The following POM121 variants were observed in gnomAD, a reference collection of about 807,000 sequenced individuals.
The protein encoded by POM121 is POM121 transmembrane nucleoporin, also known as nuclear envelope pore membrane protein POM 121.
In POM121, 32 loss-of-function variants were observed where a neutral mutation model predicts 81.3. The ratio of observed to expected loss-of-function variants is 0.39; its 90% confidence interval spans 0.30 to 0.53. The LOEUF is 0.53. Ranked by LOEUF, POM121 falls within the 20% of genes least tolerant of loss-of-function variation. The probability of loss-of-function intolerance (pLI) is 0.66; values close to 1 mark genes in which losing one functional copy is unlikely to be tolerated. For synonymous variants in POM121, 514 were observed against 694.2 expected, an observed-to-expected ratio of 0.74 and a Z score of 4.08; for missense variants, 1,138 against 1,614.6, an observed-to-expected ratio of 0.70 and a Z score of 5.06.
chr7:72,905,275 C>G (rs1444934257), intron 3 of POM121, among the ~76,000 whole-genome samples: 2 of 152,036 alleles, frequency 1.3e-5, no homozygotes, highest in African/African-American at 4.8e-5. Context: ...ACTCTTTGAC[C>G]CATGAATTAT....
chr7:72,880,581 G>A (rs1790039203), intron 1 of POM121, among the ~76,000 whole-genome samples: 2 of 152,070 alleles, frequency 1.3e-5, no homozygotes, highest in Non-Finnish European at 2.9e-5. Flanking sequence ...ATTTTAAGCA[G>A]TTTAAAGAGA....
At chr7:72,886,619 TTGA>T (rs1160841271) in intron 1 of POM121, among the ~76,000 whole-genome samples, 1 of 152,230 alleles carries the variant, frequency 6.6e-6, no homozygotes, top group Non-Finnish European at 1.5e-5. Context: ...TTTCTTCTAG[TTGA>T]TGATGAATTA....
chr7:72,947,935 G>C lies in POM121; in HGVS notation c.*1701G>C, dbSNP rs1554503682. 2.9e-6 allele frequency: 3 copies of C among 1,036,238 alleles called. No individual in the cohort carries two copies. Among genetic ancestry groups the C allele is most frequent in the Non-Finnish European group, 3.5e-6 (3 of 859,800 alleles). The allele number at this position is 1,036,238 out of a possible 1,614,324, so 64.2% of individuals were successfully genotyped here. A position where few individuals can be genotyped will look rare whatever the true frequency, so the allele number is the denominator to read the frequency against. ...CAGCTCTGATCCTCGTTAATACCTG[G>C]CTGCGTGTGCAGCTGAGGAGGGAGT... is the stretch of plus-strand genomic sequence containing the variant. On this transcript the variant is annotated 3_prime_UTR_variant, in exon 13 of 13. Transcript: ENST00000434423.
chr7:72,939,244 T>C (rs1796824705), intron 6 of POM121, 92 bp from the exon 7 acceptor site: 1 of 1,510,650 alleles, frequency 6.6e-7, no homozygotes, highest in Non-Finnish European at 9.0e-7. Flanking sequence ...TTTTAGACAT[T>C]GGCCACTTGG....
chr7:72,919,400 TC>T (rs1467532475), intron 4 of POM121, among the ~76,000 whole-genome samples: 1 of 152,088 alleles, frequency 6.6e-6, no homozygotes, highest in Non-Finnish European at 1.5e-5. Context: ...TTTGTGTAGA[TC>T]CAGATTTCCA....
intron 4 of POM121, among the ~76,000 whole-genome samples, chr7:72,929,378 G>A (rs1400009744): frequency 6.6e-6 from 1 of 152,212 alleles, no homozygotes; most frequent in Non-Finnish European, 1.5e-5. Flanking sequence ...CACTCTAGGA[G>A]AGAGTTGTCT....
chr7:72,922,077 T>G (rs539153952), upstream of POM121, among the ~76,000 whole-genome samples: 2 of 152,356 alleles, frequency 1.3e-5, no homozygotes, highest in South Asian at 4.1e-4. Flanking sequence ...TAAATTAATT[T>G]TTCTAGTGTG....
At chr7:72,948,938 C>T (rs781992727), downstream of POM121, 13 of 1,612,486 alleles carry the variant, frequency 8.1e-6, no homozygotes, top group Non-Finnish European at 1.1e-5. Context: ...ACCATGTCTT[C>T]ATTCTCCTCC....
In POM121 at chr7:72,930,077, C is replaced by T; in HGVS notation, c.1241C>T (p.Thr414Ile). The change falls in exon 5 of 13, where the codon ACC (threonine) becomes ATC (isoleucine). Residue 414 changes from threonine (T) to isoleucine (I), a missense_variant. Thr to Ile is a moderately conservative substitution (Grantham distance 89). This residue lies in a region of POM121 where 646 missense variants were observed against 633.5 expected (regional missense o/e 1.02). Transcript: ENST00000434423. ...GIPSSSRNAI[T>I]SSYSSTRGIS... ...CCTAGCTCCAGCCGCAATGCCATTA[C>T]CAGTTCCTACAGCTCCACTCGAGGC... The T allele has an allele frequency of 6.2e-7, 1 of 1,613,830 alleles. No homozygotes were observed.
chr7:72,926,715 A>G (rs1389833315), intron 2 of POM121, 87 bp from the exon 3 acceptor site: 4 of 1,541,670 alleles, frequency 2.6e-6, no homozygotes, highest in Middle Eastern at 1.7e-4. Context: ...CCTGTTGGTT[A>G]GCTTCTGATT....
chr7:72,948,095 G>A lies in POM121; in HGVS notation c.*1861G>A, dbSNP rs1797815427. 13 of 1,355,732 alleles carry A rather than the reference G, an allele frequency of 9.6e-6. No individual in the cohort carries two copies. The highest frequency in any genetic ancestry group is 8.9e-5 in the East Asian group (3 of 33,758). The allele number at this position is 1,355,732 out of a possible 1,614,324, so 84.0% of individuals were successfully genotyped here. A position where few individuals can be genotyped will look rare whatever the true frequency, so the allele number is the denominator to read the frequency against. On this transcript the variant is annotated 3_prime_UTR_variant, in exon 13 of 13. Transcript: ENST00000434423. ...ACCTGAGCTAGTTTACCTCAGTTCC[G>A]CAGGCAGGACAGCCGGTCCGGGAAC...
At chr7:72,924,717 A>C (rs1554496664), upstream of POM121, 1 of 180,730 alleles carries the variant, frequency 5.5e-6, no homozygotes, top group Non-Finnish European at 1.1e-5. Context: ...CCACGTTTTC[A>C]ATTTGTAACA....
chr7:72,939,491 A>G, intron 7 of POM121, 82 bp downstream of exon 7: 2 of 1,562,078 alleles, frequency 1.3e-6, no homozygotes, highest in Middle Eastern at 1.7e-4. Flanking sequence ...ACCTATTGAA[A>G]AAAGGTCTTG....
chr7:72,928,317 T>C lies in POM121; in HGVS notation c.1023-68T>C, dbSNP rs1586154752. 3 of 1,584,442 alleles carry C rather than the reference T, an allele frequency of 1.9e-6. No individual in the cohort carries two copies. In the African/African-American group the frequency reaches 4.0e-5, roughly 21 times the overall value. Reference sequence around the variant, plus strand: ...GAGATAGTATAAGGTCCCAGAAATATGAGAATACACTTTAAAGGGACAAAA... The same window carrying C: ...GAGATAGTATAAGGTCCCAGAAATACGAGAATACACTTTAAAGGGACAAAA... On this transcript the variant is annotated intron_variant, in intron 3 of 12. Coordinates refer to ENST00000434423, the MANE Select transcript of POM121 (RefSeq NM_001387691.1).
chr7:72,933,301 C>T (rs1345021115), intron 5 of POM121, among the ~76,000 whole-genome samples: 5 of 149,414 alleles, frequency 3.3e-5, no homozygotes, highest in East Asian at 4.0e-4. Context: ...TCAAGTGAGC[C>T]GAGCTCACGC....
In POM121 at chr7:72,926,321, A is replaced by G. The variant is rs782362509; in HGVS notation, c.704A>G (p.His235Arg). 6 of 1,608,632 alleles carry G rather than the reference A, an allele frequency of 3.7e-6. No homozygotes were observed. The highest frequency in any genetic ancestry group is 2.2e-5 in the East Asian group (1 of 44,706). Residue 235 changes from histidine to arginine, a missense_variant, in exon 2 of 13, where the codon CAT becomes CGT. His to Arg is a conservative substitution (Grantham distance 29). Transcript: ENST00000434423. ...VITPRRRYPI[H>R]QAQYSCLGVL... The stretch of plus-strand genomic sequence containing the variant: ...ACACCTAGAAGACGCTATCCGATCC[A>G]TCAGGCCCAGTATTCCTGTCTGGGG...
intron 1 of POM121, among the ~76,000 whole-genome samples, chr7:72,889,302 G>A (rs1457042622): frequency 1.3e-5 from 2 of 152,210 alleles, no homozygotes; most frequent in Non-Finnish European, 2.9e-5. Flanking sequence ...TATCTCTTGG[G>A]ATCTACATGG....
exon 3 of POM121, chr7:72,890,947 A>G: frequency 1.6e-6 from 2 of 1,283,068 alleles, no homozygotes; most frequent in South Asian, 2.5e-5. Context: ...TGAGGTGGCA[A>G]CATCTTGTAC....
At chr7:72,930,757 G>A (rs1167973543) in intron 5 of POM121, among the ~76,000 whole-genome samples, 1 of 152,166 alleles carries the variant, frequency 6.6e-6, no homozygotes, top group East Asian at 1.9e-4. Flanking sequence ...ACTTTGGGAG[G>A]TCAAGGTGGG....
Sources: allele counts gnomAD v4.1 joint callset (sites outside exome capture counted in the v4.1 genomes callset), GRCh38; gene constraint gnomAD v4.1.1; regional missense constraint gnomAD v4.1.1; transcripts MANE v1.5; gene names NCBI Gene and HGNC (gene_info 2026-07-23, HGNC 2026-07-21).